Variants in CSMD1 observed in about 807,000 individuals in gnomAD.
CSMD1 encodes the protein CUB and Sushi multiple domains 1.
A neutral mutation model predicts 417.5 loss-of-function variants in CSMD1; 213 were observed. That is an observed-to-expected ratio of 0.51 (90% CI 0.46 to 0.57). The LOEUF is 0.57. CSMD1 is among the 20% of genes least tolerant of loss of function. The probability of loss-of-function intolerance (pLI) is 0.00; values close to 1 mark genes in which losing one functional copy is unlikely to be tolerated. For missense variants in CSMD1, 6,923 were observed against 4,529.7 expected, an observed-to-expected ratio of 1.53 and a Z score of -15.17; for synonymous variants, 2,862 against 1,736.8, an observed-to-expected ratio of 1.65 and a Z score of -16.11.
chr8:2,949,124 T>G (rs1802445903), intron 68 of CSMD1, among the ~76,000 whole-genome samples, 175 bp downstream of exon 68: 1 of 151,118 alleles, frequency 6.6e-6, no homozygotes. Context: ...GGCTTTGTGT[T>G]TGTGTATTTT....
intron 3 of CSMD1, among the ~76,000 whole-genome samples, chr8:4,174,130 G>A (rs1042744699): frequency 1.3e-5 from 2 of 152,076 alleles, no homozygotes; most frequent in Non-Finnish European, 2.9e-5. Flanking sequence ...GCCTGGAAAG[G>A]GAGGGTCACC....
At chr8:4,281,081 C>G (rs1002021201) in intron 3 of CSMD1, among the ~76,000 whole-genome samples, 2 of 152,144 alleles carry the variant, frequency 1.3e-5, no homozygotes, top group African/African-American at 4.8e-5. Flanking sequence ...GCAGAGGCTG[C>G]CCCAGAGGTG....
chr8:4,038,084 T>C (rs1276045334), intron 3 of CSMD1, among the ~76,000 whole-genome samples: 3 of 152,222 alleles, frequency 2.0e-5, no homozygotes, highest in African/African-American at 7.2e-5. Flanking sequence ...GTAAAATAAC[T>C]CAGCAAATGG....
intron 5 of CSMD1, among the ~76,000 whole-genome samples, chr8:3,863,246 A>C (rs1804839116): frequency 1.3e-5 from 2 of 152,052 alleles, no homozygotes; most frequent in Non-Finnish European, 2.9e-5. Context: ...AAAATACAAA[A>C]ACTGGCTAGG....
chr8:3,524,757 C>A (rs1170512503), intron 10 of CSMD1, among the ~76,000 whole-genome samples: 1 of 151,624 alleles, frequency 6.6e-6, no homozygotes, highest in East Asian at 1.9e-4. Context: ...TGTGCACACA[C>A]ACATGCACAT....
intron 5 of CSMD1, among the ~76,000 whole-genome samples, chr8:3,938,966 G>A (rs139634410): frequency 6.6e-6 from 1 of 151,734 alleles, no homozygotes; most frequent in African/African-American, 2.4e-5. Flanking sequence ...ATATTCATAG[G>A]CAGGGAGTAT....
At chr8:3,568,872 C>T (rs1282296304) in intron 10 of CSMD1, among the ~76,000 whole-genome samples, 1 of 151,954 alleles carries the variant, frequency 6.6e-6, no homozygotes, top group African/African-American at 2.4e-5. Flanking sequence ...AAGGTAGGTC[C>T]TTCATGATAC....
chr8:2,990,605 GA>G (rs1563212356), intron 54 of CSMD1, among the ~76,000 whole-genome samples: 3 of 152,140 alleles, frequency 2.0e-5, no homozygotes, highest in African/African-American at 7.2e-5. Flanking sequence ...AGGAGGTTTT[GA>G]GCAAGAAACT....
At chr8:3,775,895 G>A (rs1470532597) in intron 5 of CSMD1, among the ~76,000 whole-genome samples, 1 of 152,158 alleles carries the variant, frequency 6.6e-6, no homozygotes, top group Non-Finnish European at 1.5e-5. Context: ...GCCACATGTG[G>A]CTTCTCAATG....
At chr8:2,959,138 C>G (rs1047976712) in intron 62 of CSMD1, among the ~76,000 whole-genome samples, 3 of 152,200 alleles carry the variant, frequency 2.0e-5, no homozygotes, top group African/African-American at 7.2e-5. Context: ...GGGCCTCTCT[C>G]TATTGCCCAG....
At chr8:4,074,489 A>G (rs781045948) in intron 3 of CSMD1, among the ~76,000 whole-genome samples, 2 of 152,114 alleles carry the variant, frequency 1.3e-5, no homozygotes, top group Admixed American at 6.5e-5. Context: ...AATTATGAAA[A>G]TCTAAAGTTT....
chr8:3,659,684 T>C (rs1798312230), intron 7 of CSMD1, among the ~76,000 whole-genome samples: 1 of 152,160 alleles, frequency 6.6e-6, no homozygotes, highest in South Asian at 2.1e-4. Flanking sequence ...CTGTTAACAA[T>C]ATGGGCTTTC....
chr8:3,290,798 C>G (rs1045719969), intron 25 of CSMD1, among the ~76,000 whole-genome samples: 1 of 148,236 alleles, frequency 6.7e-6, no homozygotes, highest in Non-Finnish European at 1.5e-5. Context: ...TCCTCTTTTC[C>G]TAATTGAATA....
intron 2 of CSMD1, among the ~76,000 whole-genome samples, chr8:4,446,328 G>T (rs74797357): frequency 1.3e-5 from 2 of 152,070 alleles, no homozygotes; most frequent in Admixed American, 6.5e-5. Flanking sequence ...TGGGTGGATC[G>T]CTTGAGCCCA....
At chr8:3,531,909 G>A (rs1264329077) in intron 10 of CSMD1, among the ~76,000 whole-genome samples, 3 of 152,162 alleles carry the variant, frequency 2.0e-5, no homozygotes, top group Non-Finnish European at 4.4e-5. Flanking sequence ...TGCACAGTAA[G>A]AAAGAAATGA....
chr8:3,315,857 G>C (rs1008062792), intron 23 of CSMD1, among the ~76,000 whole-genome samples: 3 of 152,122 alleles, frequency 2.0e-5, no homozygotes. Context: ...AATTTAATGA[G>C]TCAATCTTGA....
chr8:3,839,836 G>A (rs993987086), intron 5 of CSMD1, among the ~76,000 whole-genome samples: 2 of 151,634 alleles, frequency 1.3e-5, no homozygotes, highest in Admixed American at 6.6e-5. Context: ...CTAAATGGAG[G>A]GAACATTATG....
At chr8:3,191,548 C>T (rs1276963356) in intron 33 of CSMD1, among the ~76,000 whole-genome samples, 2 of 152,114 alleles carry the variant, frequency 1.3e-5, no homozygotes, top group Non-Finnish European at 2.9e-5. Flanking sequence ...TTCATTGTTG[C>T]AGCAAGCAAA....
intron 3 of CSMD1, among the ~76,000 whole-genome samples, chr8:4,125,800 G>C (rs184275999): frequency 4.4e-4 from 67 of 152,144 alleles, no homozygotes; most frequent in Admixed American, 1.4e-3. Flanking sequence ...TTGATCAATT[G>C]ATAACAGCCC....
Sources: gnomAD v4.1 joint callset for allele counts (sites outside exome capture counted in the v4.1 genomes callset) on GRCh38, gnomAD v4.1.1 for gene constraint, MANE v1.5 for transcripts, NCBI Gene and HGNC (gene_info 2026-07-23, HGNC 2026-07-21) for gene names.